CFDP1: variants seen among roughly 807,000 people sequenced by gnomAD.
The protein encoded by CFDP1 is chromatin remodeling protein CFDP1.
Under a neutral mutation model 40.1 loss-of-function variants are expected in CFDP1, and 31 were observed. That is an observed-to-expected ratio of 0.77 (90% CI 0.58 to 1.04). The LOEUF (loss-of-function observed/expected upper bound fraction) is 1.04. Ranked by LOEUF, CFDP1 falls within the 50% of genes least tolerant of loss-of-function variation. The pLI, the probability that CFDP1 is intolerant of heterozygous loss-of-function variation, is 0.00. For synonymous variants in CFDP1, 167 were observed against 120.0 expected, an observed-to-expected ratio of 1.39 and a Z score of -2.56; for missense variants, 423 against 343.4, an observed-to-expected ratio of 1.23 and a Z score of -1.83.
chr16:75,293,993 C>T lies in CFDP1; in HGVS notation c.859G>A (p.Glu287Lys). 6.2e-7 allele frequency: 1 copy of T among 1,614,180 alleles called. No homozygotes were observed. Among genetic ancestry groups the T allele is most frequent in the Non-Finnish European group, 8.5e-7 (1 of 1,180,030 alleles). The change falls in exon 7 of 7, where the codon GAA becomes AAA. Residue 287 changes from glutamate (E) to lysine (K), a missense_variant. Physicochemically the swap from Glu to Lys is moderately conservative, Grantham distance 56 (BLOSUM62 1). Transcript: ENST00000283882. ...CTCAGCCTGAGATCTCGCTCAATTT[C>T]AAACTGCCTGTGATCCACTCGGTCA... ...FLDRVDHRQF[E>K]IERDLRLSKM...
chr16:75,303,078 T>A, intron 6 of CFDP1, among the ~76,000 whole-genome samples: 1 of 151,150 alleles, frequency 6.6e-6, no homozygotes. Flanking sequence ...CGCGCGCCTG[T>A]AATCCCAGCT....
At chr16:75,328,583 G>C (rs1271722510) in intron 5 of CFDP1, among the ~76,000 whole-genome samples, 2 of 59,644 alleles carry the variant, frequency 3.4e-5, no homozygotes, top group Admixed American at 4.9e-4. Flanking sequence ...TGGGCGACAA[G>C]AATGAAACTC....
intron 1 of CFDP1, among the ~76,000 whole-genome samples, chr16:75,423,400 T>C (rs945137808): frequency 9.9e-5 from 15 of 152,224 alleles, no homozygotes; most frequent in Admixed American, 8.5e-4. Flanking sequence ...AGTGAGCTGA[T>C]TGCGCCACTG....
chr16:75,426,595 G>A (rs1277971736), intron 1 of CFDP1, among the ~76,000 whole-genome samples: 1 of 151,840 alleles, frequency 6.6e-6, no homozygotes, highest in African/African-American at 2.4e-5. Flanking sequence ...AAAATTGTTT[G>A]AGCCCAGGAA....
chr16:75,319,561 G>C (rs909251906), intron 5 of CFDP1, among the ~76,000 whole-genome samples: 16 of 152,162 alleles, frequency 1.1e-4, no homozygotes, highest in Admixed American at 1.0e-3. Flanking sequence ...TACTTTCTCA[G>C]TGGCATCCGC....
intron 5 of CFDP1, among the ~76,000 whole-genome samples, chr16:75,394,261 C>T (rs1172897910): frequency 1.3e-5 from 2 of 152,262 alleles, no homozygotes; most frequent in African/African-American, 4.8e-5. Flanking sequence ...CAGTCTTAAG[C>T]CTCTCTGATT....
intron 5 of CFDP1, among the ~76,000 whole-genome samples, chr16:75,394,183 C>T (rs2151563276): frequency 6.6e-6 from 1 of 152,300 alleles, no homozygotes; most frequent in African/African-American, 2.4e-5. Flanking sequence ...TGCAGAACTC[C>T]CCACAGGAGT....
chr16:75,389,239 T>C (rs1833943), intron 5 of CFDP1, among the ~76,000 whole-genome samples: 1,593 of 152,306 alleles, frequency 0.01, 30 homozygotes, highest in African/African-American at 0.033. Context: ...ACAGTACTGG[T>C]AGTAAGGACT....
intron 5 of CFDP1, among the ~76,000 whole-genome samples, chr16:75,308,529 T>TA (rs1306073771): frequency 1.8e-4 from 27 of 152,358 alleles, no homozygotes; most frequent in Admixed American, 3.9e-4. Flanking sequence ...TACCCATTGA[T>TA]AGAGTTCTGT....
intron 1 of CFDP1, among the ~76,000 whole-genome samples, chr16:75,426,624 T>C (rs2151603004): frequency 6.6e-6 from 1 of 150,384 alleles, no homozygotes; most frequent in South Asian, 2.1e-4. Context: ...TGCAGTGAGG[T>C]GAAATCGTGC....
At chr16:75,296,695 T>C (rs1458381565) in intron 6 of CFDP1, among the ~76,000 whole-genome samples, 1 of 151,792 alleles carries the variant, frequency 6.6e-6, no homozygotes. Context: ...GCAGTCAGAG[T>C]TTAGGTTTAG....
At chr16:75,409,907 G>C (rs2079141614) in intron 4 of CFDP1, among the ~76,000 whole-genome samples, 1 of 151,840 alleles carries the variant, frequency 6.6e-6, no homozygotes, top group Non-Finnish European at 1.5e-5. Context: ...ATAATAAAAA[G>C]TTTTGTTCCA....
intron 4 of CFDP1, among the ~76,000 whole-genome samples, chr16:75,407,231 T>A (rs536391956): frequency 1.5e-4 from 23 of 152,168 alleles, no homozygotes; most frequent in African/African-American, 5.5e-4. Context: ...AAAATAATCC[T>A]AGTACTTCCA....
In CFDP1 at chr16:75,337,659, A is replaced by C. The variant is rs141616868; in HGVS notation, c.651-32477T>G. Among the ~76,000 whole-genome samples, 117 of 152,284 alleles carry C rather than the reference A, an allele frequency of 7.7e-4. 1 individual carries two copies. In the East Asian group the frequency reaches 0.023, roughly 29 times the overall value. Reference sequence around the variant, plus strand: ...GGAAGGGGAGGCAAGCACGTCTTACATGGGTGGCGCAGGAGGAAGAGACAG... The same window carrying C: ...GGAAGGGGAGGCAAGCACGTCTTACCTGGGTGGCGCAGGAGGAAGAGACAG... On this transcript the variant is annotated intron_variant, in intron 5 of 6. Coordinates refer to ENST00000283882, the MANE Select transcript of CFDP1 (RefSeq NM_006324.3).
chr16:75,331,145 C>T (rs554164681), intron 5 of CFDP1, among the ~76,000 whole-genome samples: 9 of 152,296 alleles, frequency 5.9e-5, no homozygotes, highest in African/African-American at 2.2e-4. Flanking sequence ...CTCTCCACAT[C>T]AGAATTCGTG....
intron 1 of CFDP1, among the ~76,000 whole-genome samples, chr16:75,416,099 G>A (rs554459298): frequency 6.6e-6 from 1 of 152,138 alleles, no homozygotes; most frequent in African/African-American, 2.4e-5. Flanking sequence ...TGATCCAGCC[G>A]CCTTGGCCTC....
chr16:75,309,710 C>T (rs1382880870), intron 5 of CFDP1, among the ~76,000 whole-genome samples: 1 of 145,346 alleles, frequency 6.9e-6, no homozygotes, highest in Non-Finnish European at 1.5e-5. Context: ...GTCCCAGTTA[C>T]TTGGGAGGCT....
At chr16:75,368,122 G>A (rs1025740905) in intron 5 of CFDP1, among the ~76,000 whole-genome samples, 2 of 152,014 alleles carry the variant, frequency 1.3e-5, no homozygotes, top group South Asian at 2.1e-4. Context: ...AAGATTTAAC[G>A]GTCAAATGGA....
At chr16:75,412,896 A>T in intron 2 of CFDP1, 142 bp from the exon 3 acceptor site, 1 of 590,020 alleles carries the variant, frequency 1.7e-6, no homozygotes, top group East Asian at 2.8e-5. Flanking sequence ...AAGTGAGTAG[A>T]AGAGTTAAGC....
Sources: allele counts gnomAD v4.1 joint callset (sites outside exome capture counted in the v4.1 genomes callset), GRCh38; gene constraint gnomAD v4.1.1; transcripts MANE v1.5; gene names NCBI Gene and HGNC (gene_info 2026-07-23, HGNC 2026-07-21).